The following TRHDE variants were observed in gnomAD, a reference collection of about 807,000 sequenced individuals.
TRHDE encodes the protein thyrotropin releasing hormone degrading enzyme.
Under a neutral mutation model 125.7 loss-of-function variants are expected in TRHDE, and 72 were observed. The ratio of observed to expected loss-of-function variants is 0.57; its 90% CI spans 0.47 to 0.70. The LOEUF is 0.70. Among genes scored for constraint, TRHDE ranks in the 30% least tolerant of loss-of-function variants. TRHDE has a pLI of 0.00. For missense variants in TRHDE, 1,110 were observed against 1,327.1 expected, an observed-to-expected ratio of 0.84 and a Z score of 2.54; for synonymous variants, 509 against 509.1, an observed-to-expected ratio of 1.00 and a Z score of 0.00.
Position 72,639,933 on chromosome 12 carries a change from G to A in TRHDE, c.2676-12389G>A, listed in dbSNP as rs1873966256. 2.7e-5 allele frequency among the ~76,000 whole-genome samples: 4 copies of A among 147,860 alleles called. No individual in the cohort carries two copies. The South Asian group carries it at 8.8e-4, about 33-fold the overall frequency. On this transcript the variant is annotated intron_variant, in intron 15 of 18. Coordinates refer to ENST00000261180, the MANE Select transcript of TRHDE (RefSeq NM_013381.3). ...CTGTCAGACAGGGACACTTAAGTCT[G>A]TAGAGGTTACTGCTGTCTTTTTGTT...
At chr12:72,176,264 A>T (rs1201746684) in intron 2 of TRHDE, among the ~76,000 whole-genome samples, 1 of 152,326 alleles carries the variant, frequency 6.6e-6, no homozygotes, top group Non-Finnish European at 1.5e-5. Flanking sequence ...CCAGCTACTC[A>T]GGAAGCCTAG....
intron 2 of TRHDE, among the ~76,000 whole-genome samples, chr12:72,224,687 A>G (rs996055700): frequency 2.0e-5 from 3 of 152,132 alleles, no homozygotes; most frequent in Admixed American, 6.6e-5. Context: ...AAAGATAGCA[A>G]TCAACAAGCT....
At chr12:72,316,401 T>C (rs1868804562) in intron 2 of TRHDE, among the ~76,000 whole-genome samples, 1 of 152,122 alleles carries the variant, frequency 6.6e-6, no homozygotes, top group Admixed American at 6.6e-5. Flanking sequence ...CACTGAAATA[T>C]ACATACAGAA....
At chr12:72,455,470 A>G (rs1440152372) in intron 3 of TRHDE, among the ~76,000 whole-genome samples, 1 of 152,110 alleles carries the variant, frequency 6.6e-6, no homozygotes, top group African/African-American at 2.4e-5. Context: ...TGGTTATTTA[A>G]TGTATTTTAT....
intron 2 of TRHDE, among the ~76,000 whole-genome samples, chr12:72,235,234 G>A (rs1433226999): frequency 1.3e-5 from 2 of 152,068 alleles, no homozygotes; most frequent in Non-Finnish European, 2.9e-5. Context: ...CACAGTTATG[G>A]GTTAATGAGG....
chr12:72,302,083 G>T (rs1012201438), intron 2 of TRHDE, among the ~76,000 whole-genome samples: 1 of 152,138 alleles, frequency 6.6e-6, no homozygotes, highest in Non-Finnish European at 1.5e-5. Context: ...TGTTCGTGAA[G>T]TACGTTCATT....
At chr12:72,251,167 T>C (rs2139387009) in intron 2 of TRHDE, among the ~76,000 whole-genome samples, 1 of 152,106 alleles carries the variant, frequency 6.6e-6, no homozygotes, top group Non-Finnish European at 1.5e-5. Flanking sequence ...TTTGAGTGTG[T>C]ATATATGTTT....
chr12:72,120,378 A>T (rs917536658), intron 2 of TRHDE, among the ~76,000 whole-genome samples: 9 of 151,674 alleles, frequency 5.9e-5, no homozygotes, highest in African/African-American at 2.2e-4. Context: ...TTTGTTTTCT[A>T]GTTGTTTTGT....
rs116929080 is a variant in TRHDE at position 72,299,321 on chromosome 12, C to A, written c.1188+12367C>A. Reference sequence around the variant, plus strand: ...AGTACGATCTGTCCTCAATCACTACCATCTACTAATGTTTCTTGACTTCCT... The same window carrying A: ...AGTACGATCTGTCCTCAATCACTACAATCTACTAATGTTTCTTGACTTCCT... On this transcript the variant is annotated intron_variant, in intron 2 of 18. Transcript: ENST00000261180. Among the ~76,000 whole-genome samples the A allele has an allele frequency of 2.8e-3, 425 of 152,224 alleles. 1 individual carries two copies. Among genetic ancestry groups the A allele is most frequent in the Non-Finnish European group, 4.6e-3 (314 of 68,010 alleles).
intron 2 of TRHDE, among the ~76,000 whole-genome samples, chr12:72,197,798 C>T (rs1055187643): frequency 1.3e-5 from 2 of 152,120 alleles, no homozygotes; most frequent in Non-Finnish European, 2.9e-5. Flanking sequence ...TTAATAATTA[C>T]CTCCTCAAAG....
rs1422743268 is a variant in TRHDE, at chr12:72,151,677, C to G, written n.279+45925C>G. On this transcript the variant is annotated intron_variant and non_coding_transcript_variant, in intron 2 of 4. Coordinates refer to the TRHDE transcript ENST00000548156. ...AATCCTTTCCCCATTGCTTGTTTTT[C>G]TCAGGTTTGTCAAAGATCAGATAGT... Among the ~76,000 whole-genome samples, 406 of 151,610 alleles carry G rather than the reference C, an allele frequency of 2.7e-3. 2 individuals are homozygous for G. The highest frequency in any genetic ancestry group is 0.017 in the East Asian group (85 of 5,148).
chr12:72,420,959 T>C (rs1592432000), intron 3 of TRHDE, among the ~76,000 whole-genome samples: 1 of 152,032 alleles, frequency 6.6e-6, no homozygotes, highest in Non-Finnish European at 1.5e-5. Flanking sequence ...AGACTCATTA[T>C]GGGATTGGTA....
chr12:72,219,928 T>A (rs985234680), intron 2 of TRHDE, among the ~76,000 whole-genome samples: 1 of 152,180 alleles, frequency 6.6e-6, no homozygotes, highest in Non-Finnish European at 1.5e-5. Flanking sequence ...CATTGGGATC[T>A]GGGAAAAGCA....
At chr12:72,485,805 C>A (rs1235153123) in intron 5 of TRHDE, among the ~76,000 whole-genome samples, 2 of 152,140 alleles carry the variant, frequency 1.3e-5, no homozygotes, top group East Asian at 3.9e-4. Flanking sequence ...ACTATCTTGA[C>A]CTCCAGGCTG....
chr12:72,565,917 C>G (rs1456380711), intron 9 of TRHDE, among the ~76,000 whole-genome samples: 1 of 151,862 alleles, frequency 6.6e-6, no homozygotes, highest in South Asian at 2.1e-4. Flanking sequence ...CAAGTTAAAC[C>G]GAAACAGCTG....
intron 2 of TRHDE, among the ~76,000 whole-genome samples, chr12:72,370,437 A>G (rs931611512): frequency 1.3e-5 from 2 of 152,158 alleles, no homozygotes; most frequent in African/African-American, 4.8e-5. Flanking sequence ...ATGTCATTCT[A>G]TGGCTTAAAA....
At position 72,273,007 on chromosome 12, in the gene TRHDE, G is replaced by C; in HGVS notation, c.364G>C (p.Asp122His). Residue 122 changes from aspartate (D) to histidine (H), a missense_variant, in exon 1 of 19, where the codon GAC becomes CAC. By Grantham distance (81) the Asp-to-His change is moderately conservative. This residue lies in a region of TRHDE where 248 missense variants were observed against 240.8 expected (regional missense o/e 1.03). Transcript: ENST00000261180. This position sits in a 1 kb window ranked among gnomAD's most constrained non-coding sequence, Gnocchi z 5.3. The part of the protein sequence containing the change: ...ECGASATPGA[D>H]GGPSGFPERG... Reference sequence around the variant, plus strand: ...CGGGGCGAGTGCCACGCCAGGCGCCGACGGTGGCCCCTCAGGCTTTCCGGA... The same window carrying C: ...CGGGGCGAGTGCCACGCCAGGCGCCCACGGTGGCCCCTCAGGCTTTCCGGA... The C allele has an allele frequency of 6.5e-7, 1 of 1,544,266 alleles. No individual in the cohort carries two copies. The highest frequency in any genetic ancestry group is 8.7e-7 in the Non-Finnish European group (1 of 1,150,944).
chr12:72,154,713 A>C (rs569403149), intron 2 of TRHDE, among the ~76,000 whole-genome samples: 6 of 152,328 alleles, frequency 3.9e-5, no homozygotes, highest in African/African-American at 1.4e-4. Context: ...AGAATGTTGA[A>C]TATTGGCCCC....
intron 15 of TRHDE, among the ~76,000 whole-genome samples, chr12:72,636,783 T>C (rs1359094628): frequency 1.3e-5 from 2 of 152,234 alleles, no homozygotes; most frequent in Non-Finnish European, 2.9e-5. Context: ...TGTCTTTGGT[T>C]CTATTTATAT....
Sources: gnomAD v4.1 joint callset for allele counts (sites outside exome capture counted in the v4.1 genomes callset) on GRCh38, gnomAD v4.1.1 for gene constraint, gnomAD v4.1.1 regional missense constraint, Gnocchi (gnomAD v3.1) non-coding constraint, MANE v1.5 for transcripts, NCBI Gene and HGNC (gene_info 2026-07-23, HGNC 2026-07-21) for gene names.